CWH43: variants seen among roughly 807,000 people sequenced by gnomAD.
The protein encoded by CWH43 is PGAP2-interacting protein.
Under a neutral mutation model 85.7 loss-of-function variants are expected in CWH43, and 91 were observed. The ratio of observed to expected loss-of-function variants is 1.06; its 90% CI spans 0.90 to 1.26. The LOEUF (loss-of-function observed/expected upper bound fraction) is 1.26. Among genes scored for constraint, CWH43 ranks in the 50% most tolerant of loss-of-function variants. The pLI is 0.00. For missense variants in CWH43, 869 were observed against 839.2 expected, an observed-to-expected ratio of 1.04 and a Z score of -0.44; for synonymous variants, 323 against 293.6, an observed-to-expected ratio of 1.10 and a Z score of -1.02.
chr4:49,016,654 G>A (rs145946074), intron 8 of CWH43: 8,029 of 757,008 alleles, frequency 0.011, 57 homozygotes, highest in Middle Eastern at 0.02. Context: ...CATGTGCAGG[G>A]GAGGGGCAGT....
chr4:49,041,743 C>G (rs1784469463), intron 13 of CWH43, among the ~76,000 whole-genome samples: 3 of 152,132 alleles, frequency 2.0e-5, no homozygotes. Context: ...GACAAGGACT[C>G]TGTTCCCAAA....
chr4:48,990,860 A>G (rs1320866898), intron 2 of CWH43, among the ~76,000 whole-genome samples: 1 of 152,248 alleles, frequency 6.6e-6, no homozygotes, highest in Non-Finnish European at 1.5e-5. Context: ...CATGAGAGCC[A>G]CAAAATGGAA....
At position 49,003,836 on chromosome 4, in the gene CWH43, CT is replaced by C; in HGVS notation, c.906del (p.Gly303AspfsTer14). On this transcript the variant is annotated frameshift_variant, in exon 7 of 16. Coordinates refer to ENST00000226432, the MANE Select transcript of CWH43 (RefSeq NM_025087.3). LOFTEE classifies it high-confidence loss of function. ...TACTGCATCCATGTGGCCCCAAACACTTGGACACCTTATTAACTCAGGGACA... is the reference window on the plus strand; with the variant it reads ...TACTGCATCCATGTGGCCCCAAACACTGGACACCTTATTAACTCAGGGACA... ...IFTASMWPQT[L>X]GHLINSGTNP... The C allele has an allele frequency of 6.2e-7, 1 of 1,614,018 alleles. No homozygotes were observed. Among genetic ancestry groups the C allele is most frequent in the Non-Finnish European group, 8.5e-7 (1 of 1,179,942 alleles).
chr4:49,020,901 G>A (rs1783731932), intron 9 of CWH43, among the ~76,000 whole-genome samples: 1 of 151,510 alleles, frequency 6.6e-6, no homozygotes, highest in Admixed American at 6.6e-5. Context: ...CTTTTTGATG[G>A]GATTTTTTTT....
intron 2 of CWH43, among the ~76,000 whole-genome samples, chr4:48,989,220 T>C (rs1782581866): frequency 6.6e-6 from 1 of 152,156 alleles, no homozygotes; most frequent in African/African-American, 2.4e-5. Context: ...GAAATACAAT[T>C]AGTTCTTAAA....
rs1450583306 is a variant in CWH43 at position 48,986,492 on chromosome 4, C to G, written c.43+20C>G. The G allele has an allele frequency of 6.4e-7, 1 of 1,551,722 alleles. No individual in the cohort carries two copies. The highest frequency in any genetic ancestry group is 8.7e-7 in the Non-Finnish European group (1 of 1,147,342). ...TGCTGGGTAAGCCGAAGCCCCTCGCCGCGAGTTCGCGGGTGCCAGCTCCCC... is the reference window on the plus strand; with the variant it reads ...TGCTGGGTAAGCCGAAGCCCCTCGCGGCGAGTTCGCGGGTGCCAGCTCCCC... On this transcript the variant is annotated intron_variant, in intron 1 of 15. Coordinates refer to ENST00000226432, the MANE Select transcript of CWH43 (RefSeq NM_025087.3).
At chr4:49,045,543 ACAGTTGTCTACAATATT>A (rs971637366) in intron 14 of CWH43, among the ~76,000 whole-genome samples, 1 of 152,128 alleles carries the variant, frequency 6.6e-6, no homozygotes, top group Admixed American at 6.6e-5. Context: ...CCATGGTGTT[ACAGTTGTCTACAATATT>A]CAGTACAGTT....
chr4:49,048,872 G>A (rs1245270747), intron 14 of CWH43, among the ~76,000 whole-genome samples: 1 of 152,054 alleles, frequency 6.6e-6, no homozygotes, highest in Non-Finnish European at 1.5e-5. Context: ...TAGGAACTAG[G>A]GTTTTTCAGT....
chr4:49,029,758 A>G (rs1784037125), intron 10 of CWH43, among the ~76,000 whole-genome samples: 1 of 152,220 alleles, frequency 6.6e-6, no homozygotes, highest in Admixed American at 6.5e-5. Context: ...GGTGGAGAGA[A>G]GCATAAATCT....
chr4:49,012,859 G>A (rs1441933906), intron 8 of CWH43, among the ~76,000 whole-genome samples: 2 of 152,172 alleles, frequency 1.3e-5, no homozygotes, highest in Admixed American at 1.3e-4. Flanking sequence ...CCTTCATCTG[G>A]AAGCTTTGTC....
chr4:49,031,125 A>T, intron 11 of CWH43, 165 bp downstream of exon 11: 2 of 625,262 alleles, frequency 3.2e-6, no homozygotes, highest in South Asian at 3.2e-5. Context: ...TAATTTTTCA[A>T]ATGGTTTTTC....
In CWH43 at chr4:49,053,005, T is replaced by G. The variant is rs1163959581; in HGVS notation, c.2021+2156T>G. Among the ~76,000 whole-genome samples the G allele has an allele frequency of 2.0e-5, 3 of 152,170 alleles. No individual in the cohort carries two copies. In the East Asian group the frequency reaches 5.8e-4, roughly 29 times the overall value. ...CTTTGCTTCCATGAGTTCAATTTTTTCAGATTCTACATATAAATGAGATAA... is the reference window on the plus strand; with the variant it reads ...CTTTGCTTCCATGAGTTCAATTTTTGCAGATTCTACATATAAATGAGATAA... On this transcript the variant is annotated intron_variant, in intron 15 of 15. Coordinates refer to ENST00000226432, the MANE Select transcript of CWH43 (RefSeq NM_025087.3).
At chr4:49,033,648 A>G (rs1784174864) in intron 12 of CWH43, among the ~76,000 whole-genome samples, 1 of 152,334 alleles carries the variant, frequency 6.6e-6, no homozygotes, top group East Asian at 1.9e-4. Context: ...ACGCAACATG[A>G]AGAGTGGGGA....
intron 8 of CWH43, among the ~76,000 whole-genome samples, chr4:49,012,867 G>A (rs560792204): frequency 2.0e-5 from 3 of 152,168 alleles, no homozygotes; most frequent in Non-Finnish European, 4.4e-5. Context: ...TGGAAGCTTT[G>A]TCCTAGATTG....
intron 2 of CWH43, 95 bp from the exon 3 acceptor site, chr4:48,991,359 T>A: frequency 7.5e-7 from 1 of 1,334,746 alleles, no homozygotes; most frequent in East Asian, 2.4e-5. Context: ...TTCCTGAGTA[T>A]AAAGATGGTA....
intron 6 of CWH43, among the ~76,000 whole-genome samples, chr4:48,999,335 T>C (rs920572619): frequency 6.6e-6 from 1 of 152,184 alleles, no homozygotes; most frequent in African/African-American, 2.4e-5. Context: ...TGATGGGCAT[T>C]TAGGTTGATT....
intron 8 of CWH43, among the ~76,000 whole-genome samples, chr4:49,009,772 T>C (rs1287469529): frequency 2.0e-5 from 3 of 152,320 alleles, no homozygotes; most frequent in South Asian, 2.1e-4. Context: ...ATGTGATGGA[T>C]TATGTTTATT....
In CWH43 at chr4:49,061,766, G is replaced by T. The variant is rs201521510; in HGVS notation, c.2022-46G>T. 3.9e-4 allele frequency: 485 copies of T among 1,251,834 alleles called. 1 individual carries two copies. The highest frequency in any genetic ancestry group is 5.9e-4 in the Middle Eastern group (2 of 3,414). 77.5% of individuals were successfully genotyped at this position (1,251,834 alleles called of 1,614,324 possible). A position where few individuals can be genotyped will look rare whatever the true frequency, so the allele number is the denominator to read the frequency against. ...TACATAAGAACATACCTTTCTGAATGGTTTTTACATGCCAATAACTTTTTA... is the reference window on the plus strand; with the variant it reads ...TACATAAGAACATACCTTTCTGAATTGTTTTTACATGCCAATAACTTTTTA... On this transcript the variant is annotated intron_variant, in intron 15 of 15. Coordinates refer to ENST00000226432, the MANE Select transcript of CWH43 (RefSeq NM_025087.3).
chr4:48,991,516 G>C lies in CWH43; in HGVS notation c.298G>C (p.Val100Leu). 1.2e-6 allele frequency: 2 copies of C among 1,614,038 alleles called. No homozygotes were observed. The highest frequency in any genetic ancestry group is 1.3e-5 in the African/African-American group (1 of 75,018). Residue 100 changes from valine (V) to leucine (L), a missense_variant, in exon 3 of 16, where the codon GTG becomes CTG. Val to Leu is a conservative substitution (Grantham distance 32, BLOSUM62 1). Around this residue, in one of 3 missense-constraint regions of CWH43, gnomAD observed 140 missense variants for 122.6 expected, o/e 1.14. Transcript: ENST00000226432. ...KLRLMVLALG[V>L]SSSLIVQAVT... The stretch of plus-strand genomic sequence containing the variant: ...TCGACTGATGGTTCTTGCGCTTGGG[G>C]TGTCTTCCTCACTGATAGTGCAAGC...
Sources: allele counts gnomAD v4.1 joint callset (sites outside exome capture counted in the v4.1 genomes callset), GRCh38; gene constraint gnomAD v4.1.1; regional missense constraint gnomAD v4.1.1; transcripts MANE v1.5; gene names NCBI Gene and HGNC (gene_info 2026-07-23, HGNC 2026-07-21).